Variants in THSD4 observed in about 807,000 individuals in gnomAD.
THSD4 encodes the protein thrombospondin type-1 domain-containing protein 4.
THSD4 carries 69 observed loss-of-function variants against 119.0 expected under a neutral mutation model. The ratio of observed to expected loss-of-function variants is 0.58; its 90% CI spans 0.48 to 0.71. The LOEUF (loss-of-function observed/expected upper bound fraction) is 0.71, where lower values mean the gene tolerates loss of function less well. THSD4 is among the 30% of genes least tolerant of loss of function. The probability of loss-of-function intolerance (pLI) is 0.00; values close to 1 mark genes in which losing one functional copy is unlikely to be tolerated. For synonymous variants in THSD4, 524 were observed against 540.4 expected, an observed-to-expected ratio of 0.97 and a Z score of 0.42; for missense variants, 1,393 against 1,391.1, an observed-to-expected ratio of 1.00 and a Z score of -0.02.
intron 7 of THSD4, among the ~76,000 whole-genome samples, chr15:71,505,205 G>T (rs966633148): frequency 6.6e-6 from 1 of 152,132 alleles, no homozygotes; most frequent in Non-Finnish European, 1.5e-5. Flanking sequence ...ATCCTTGCAG[G>T]ATTACACTAG....
At chr15:71,310,944 C>T (rs1163944179) in intron 6 of THSD4, among the ~76,000 whole-genome samples, 1 of 152,088 alleles carries the variant, frequency 6.6e-6, no homozygotes, top group Non-Finnish European at 1.5e-5. Flanking sequence ...TCCCCCACAA[C>T]GTGCCAGTTA....
intron 7 of THSD4, among the ~76,000 whole-genome samples, chr15:71,534,296 T>G (rs986606470): frequency 6.6e-6 from 1 of 152,246 alleles, no homozygotes; most frequent in African/African-American, 2.4e-5. Flanking sequence ...GTCTCAACCC[T>G]GTGTCAGACT....
At chr15:71,722,086 C>T (rs2052734130) in intron 8 of THSD4, among the ~76,000 whole-genome samples, 1 of 152,200 alleles carries the variant, frequency 6.6e-6, no homozygotes, top group Non-Finnish European at 1.5e-5. Context: ...GCTTGACCTT[C>T]AGTGAACACA....
intron 11 of THSD4, among the ~76,000 whole-genome samples, chr15:71,740,675 T>A (rs1197797925): frequency 6.6e-6 from 1 of 152,188 alleles, no homozygotes; most frequent in East Asian, 1.9e-4. Flanking sequence ...GCACGCTGTG[T>A]CATCCACACT....
chr15:71,716,158 C>T (rs2052603427), intron 8 of THSD4, among the ~76,000 whole-genome samples: 1 of 152,134 alleles, frequency 6.6e-6, no homozygotes, highest in Non-Finnish European at 1.5e-5. Context: ...CTTGTGGCTT[C>T]CTAACTCCAG....
intron 14 of THSD4, among the ~76,000 whole-genome samples, chr15:71,750,796 G>A (rs2053433198): frequency 1.3e-5 from 2 of 152,204 alleles, no homozygotes; most frequent in African/African-American, 4.8e-5. Context: ...CTAAAGCTGA[G>A]TCCAGGAGAG....
At chr15:71,776,853 C>T (rs1595941317) in intron 17 of THSD4, among the ~76,000 whole-genome samples, 2 of 152,266 alleles carry the variant, frequency 1.3e-5, no homozygotes, top group East Asian at 3.9e-4. Flanking sequence ...GGAGCTTATA[C>T]AGTATGTATC....
intron 7 of THSD4, among the ~76,000 whole-genome samples, chr15:71,515,799 CT>C (rs1190427813): frequency 2.0e-5 from 3 of 152,162 alleles, no homozygotes; most frequent in Non-Finnish European, 4.4e-5. Context: ...ACGGAAGTGG[CT>C]TTTTCAGGAA....
intron 1 of THSD4, among the ~76,000 whole-genome samples, chr15:71,102,891 C>T (rs1476999830): frequency 2.0e-5 from 3 of 152,244 alleles, no homozygotes; most frequent in East Asian, 3.9e-4. Context: ...TTTTTTCCCC[C>T]CTGAGAATTT....
At chr15:71,282,586 CAACACCCA>C (rs2044666180) in intron 6 of THSD4, among the ~76,000 whole-genome samples, 1 of 152,110 alleles carries the variant, frequency 6.6e-6, no homozygotes, top group African/African-American at 2.4e-5. Context: ...CCACATAGGC[CAACACCCA>C]CAGTTAACCC....
chr15:71,377,059 T>A (rs2046147095), intron 6 of THSD4, among the ~76,000 whole-genome samples: 1 of 151,980 alleles, frequency 6.6e-6, no homozygotes, highest in Non-Finnish European at 1.5e-5. Context: ...GCACTGATTG[T>A]GGGAAGAGGA....
At chr15:71,361,906 A>T (rs1226220762) in intron 6 of THSD4, among the ~76,000 whole-genome samples, 5 of 152,270 alleles carry the variant, frequency 3.3e-5, no homozygotes, top group African/African-American at 1.2e-4. Context: ...GAGGCAGACA[A>T]ATAAATATAC....
intron 7 of THSD4, among the ~76,000 whole-genome samples, chr15:71,592,203 G>A (rs2049820445): frequency 6.6e-6 from 1 of 152,236 alleles, no homozygotes; most frequent in African/African-American, 2.4e-5. Flanking sequence ...ATGGGAAGAA[G>A]CAGAGAGGAA....
chr15:71,121,887 A>G (rs1346969969), intron 1 of THSD4, among the ~76,000 whole-genome samples: 1 of 152,006 alleles, frequency 6.6e-6, no homozygotes. Flanking sequence ...GGTGGGGGAT[A>G]ATAATAGTTA....
chr15:71,468,096 G>A (rs142044834), intron 7 of THSD4, among the ~76,000 whole-genome samples: 2,755 of 152,148 alleles, frequency 0.018, 47 homozygotes, highest in Non-Finnish European at 0.027. Context: ...TGATCCACCC[G>A]CCTCAGCCTC....
At chr15:71,353,394 G>A (rs1174714438) in intron 6 of THSD4, among the ~76,000 whole-genome samples, 1 of 152,192 alleles carries the variant, frequency 6.6e-6, no homozygotes, top group Non-Finnish European at 1.5e-5. Context: ...AAACCATCAT[G>A]TGATTCAGCT....
intron 6 of THSD4, among the ~76,000 whole-genome samples, chr15:71,396,945 A>G (rs1352101920): frequency 6.6e-6 from 1 of 152,206 alleles, no homozygotes; most frequent in Non-Finnish European, 1.5e-5. Flanking sequence ...CCATGAAACT[A>G]TGTGTCTAGG....
At chr15:71,658,865 G>A (rs2051241727) in intron 7 of THSD4, among the ~76,000 whole-genome samples, 1 of 152,168 alleles carries the variant, frequency 6.6e-6, no homozygotes. Context: ...TTATTGATGG[G>A]TCAATGTGCG....
At chr15:71,532,281 AGAGTGTGTGTGTGTGTGTGTGTGT>A (rs1345742574) in intron 7 of THSD4, among the ~76,000 whole-genome samples, 15 of 113,140 alleles carry the variant, frequency 1.3e-4, no homozygotes, top group Admixed American at 8.8e-4. Context: ...AGAGAGAGAG[AGAGTGTGTGTGTGTGTGTGTGTGT>A]GTGTGTGTGT....
Sources: gnomAD v4.1 joint callset for allele counts (sites outside exome capture counted in the v4.1 genomes callset) on GRCh38, gnomAD v4.1.1 for gene constraint, MANE v1.5 for transcripts, NCBI Gene and HGNC (gene_info 2026-07-23, HGNC 2026-07-21) for gene names.